Variants in AGMO observed in about 807,000 individuals in gnomAD.
AGMO encodes the protein glyceryl-ether monooxygenase.
AGMO carries 75 observed loss-of-function variants against 60.2 expected under a neutral mutation model. That is an observed-to-expected ratio of 1.25 (90% CI 1.03 to 1.51). AGMO has a LOEUF of 1.51. AGMO is among the 40% of genes most tolerant of loss of function. The pLI is 0.00. For synonymous variants in AGMO, 261 were observed against 177.1 expected, an observed-to-expected ratio of 1.47 and a Z score of -3.76; for missense variants, 763 against 525.5, an observed-to-expected ratio of 1.45 and a Z score of -4.42.
chr7:15,360,512 AAAT>A (rs1196109282), intron 12 of AGMO, among the ~76,000 whole-genome samples: 1 of 152,200 alleles, frequency 6.6e-6, no homozygotes, highest in Non-Finnish European at 1.5e-5. Context: ...AATGTTAAGA[AAAT>A]AATAAGGAAG....
At chr7:15,135,156 ATGAG>A in the AGMO span, among the ~76,000 whole-genome samples, 463 of 90,700 alleles carry the variant, frequency 5.1e-3, 4 homozygotes, top group South Asian at 9.1e-3. Flanking sequence ...ATTTATTTAT[ATGAG>A]TTTGTGTGTG....
chr7:15,517,880 G>A (rs972064803), intron 3 of AGMO, among the ~76,000 whole-genome samples: 1 of 152,068 alleles, frequency 6.6e-6, no homozygotes, highest in Non-Finnish European at 1.5e-5. Flanking sequence ...CTTGCTCAGA[G>A]GATCCCACCC....
chr7:15,235,158 T>C (rs1288940385), intron 12 of AGMO, among the ~76,000 whole-genome samples: 4 of 152,086 alleles, frequency 2.6e-5, no homozygotes, highest in South Asian at 2.1e-4. Context: ...CCCGGGTCCT[T>C]TGAGTTGTGT....
At chr7:15,153,434 G>A in the AGMO span, among the ~76,000 whole-genome samples, 1 of 151,958 alleles carries the variant, frequency 6.6e-6, no homozygotes, top group Non-Finnish European at 1.5e-5. Context: ...AGGCTAGAAG[G>A]GTTTTTCCAA....
Position 15,379,529 on chromosome 7 carries a change from T to C in AGMO, c.1074+5917A>G, listed in dbSNP as rs79880341. ...AATCTAGACGAATTTCCTGGATACATACACCCTCCTAAGACTGAACCAGGA... is the reference window on the plus strand; with the variant it reads ...AATCTAGACGAATTTCCTGGATACACACACCCTCCTAAGACTGAACCAGGA... On this transcript the variant is annotated intron_variant, in intron 10 of 12. Coordinates refer to ENST00000342526, the MANE Select transcript of AGMO (RefSeq NM_001004320.2). Among the ~76,000 whole-genome samples the C allele has an allele frequency of 9.3e-3, 1,418 of 152,146 alleles. 19 individuals carry two copies. The highest frequency in any genetic ancestry group is 0.032 in the African/African-American group (1,326 of 41,514).
At chr7:15,372,170 G>A (rs1783246489) in intron 10 of AGMO, among the ~76,000 whole-genome samples, 1 of 152,188 alleles carries the variant, frequency 6.6e-6, no homozygotes, top group South Asian at 2.1e-4. Context: ...CTAACATGCG[G>A]CTGGGTGTGG....
chr7:15,340,538 A>G (rs1781810618), intron 12 of AGMO, among the ~76,000 whole-genome samples: 1 of 152,134 alleles, frequency 6.6e-6, no homozygotes, highest in Non-Finnish European at 1.5e-5. Context: ...GTGCAGCCTC[A>G]GCACTTGGTG....
intron 3 of AGMO, among the ~76,000 whole-genome samples, chr7:15,456,594 TCTC>T (rs1782004989): frequency 6.6e-6 from 1 of 152,168 alleles, no homozygotes. Flanking sequence ...ATTTCATTCT[TCTC>T]CTGAGTAAGG....
intron 4 of AGMO, among the ~76,000 whole-genome samples, chr7:15,427,558 C>T (rs1257227583): frequency 6.6e-6 from 1 of 152,092 alleles, no homozygotes; most frequent in Admixed American, 6.6e-5. Flanking sequence ...CACTTTAGTG[C>T]CTTTGCTCTG....
chr7:15,122,089 G>T, the AGMO span, among the ~76,000 whole-genome samples: 1 of 152,150 alleles, frequency 6.6e-6, no homozygotes, highest in South Asian at 2.1e-4. Flanking sequence ...CTTCTGCTCA[G>T]CAAAAGAAAC....
chr7:15,465,504 A>G (rs539792367), intron 3 of AGMO, among the ~76,000 whole-genome samples: 195 of 150,918 alleles, frequency 1.3e-3, no homozygotes, highest in African/African-American at 4.2e-3. Context: ...CTCACTGCAG[A>G]CTTGACATCT....
At chr7:15,292,751 CTTT>C (rs765222435) in intron 12 of AGMO, among the ~76,000 whole-genome samples, 9 of 95,122 alleles carry the variant, frequency 9.5e-5, no homozygotes, top group South Asian at 3.9e-4. Flanking sequence ...TTTTTTTTTC[CTTT>C]TTTTTTTTTT....
chr7:15,184,514 G>T, the AGMO span, among the ~76,000 whole-genome samples: 1 of 128,214 alleles, frequency 7.8e-6, no homozygotes, highest in African/African-American at 3.1e-5. Flanking sequence ...TAGAAGGAAG[G>T]AAGGGAGGGA....
intron 12 of AGMO, among the ~76,000 whole-genome samples, chr7:15,357,846 A>C (rs1019319876): frequency 6.6e-6 from 1 of 152,228 alleles, no homozygotes; most frequent in Non-Finnish European, 1.5e-5. Flanking sequence ...TGTGAGAAAT[A>C]ATAAATCTTC....
intron 12 of AGMO, among the ~76,000 whole-genome samples, chr7:15,333,381 A>G (rs1781556842): frequency 1.3e-5 from 2 of 152,150 alleles, no homozygotes. Flanking sequence ...ATCAAAGTCC[A>G]TTTCATAAGT....
intron 12 of AGMO, among the ~76,000 whole-genome samples, chr7:15,209,126 TTA>T (rs1781511624): frequency 6.6e-6 from 1 of 152,178 alleles, no homozygotes; most frequent in African/African-American, 2.4e-5. Context: ...CCCAATCCTG[TTA>T]TCACAGCCCA....
Position 15,365,627 on chromosome 7 carries a change from A to G in AGMO, c.1158-8T>C, listed in dbSNP as rs746639163. 8.1e-6 allele frequency: 13 copies of G among 1,595,602 alleles called. No individual in the cohort carries two copies. In the African/African-American group the frequency reaches 1.7e-4, roughly 21 times the overall value. On this transcript the variant is annotated splice_region_variant and splice_polypyrimidine_tract_variant and intron_variant, in intron 11 of 12. Transcript: ENST00000342526. ...ATAATAGCTGCCTTGGGTCTGAAAT[A>G]AAATGTCATTAACATGCATTAGCTT...
chr7:15,122,411 T>A, the AGMO span, among the ~76,000 whole-genome samples: 1 of 152,146 alleles, frequency 6.6e-6, no homozygotes, highest in African/African-American at 2.4e-5. Context: ...TTAAATAGAA[T>A]CAATGCACCA....
In AGMO at chr7:15,354,381, CACGTGT is replaced by C. The variant is rs1782393048; in HGVS notation, c.1263+11127_1263+11132del. Among the ~76,000 whole-genome samples the C allele has an allele frequency of 7.7e-4, 11 of 14,358 alleles. 2 individuals are homozygous for C. The highest frequency in any genetic ancestry group is 2.9e-3 in the African/African-American group (7 of 2,434). The allele number at this position is 14,358 out of a possible 152,430, so 9.4% of individuals were successfully genotyped here. A position where few individuals can be genotyped will look rare whatever the true frequency, so the allele number is the denominator to read the frequency against. The stretch of plus-strand genomic sequence containing the variant: ...ACGTGTGTATATAGACGTGTGTATA[CACGTGT>C]GTGTATACACGTGTGTGTACACACG... On this transcript the variant is annotated intron_variant, in intron 12 of 12. Transcript: ENST00000342526.
Sources: allele counts gnomAD v4.1 joint callset (sites outside exome capture counted in the v4.1 genomes callset), GRCh38; gene constraint gnomAD v4.1.1; transcripts MANE v1.5; gene names NCBI Gene and HGNC (gene_info 2026-07-23, HGNC 2026-07-21).